Variants in ALK observed in about 807,000 individuals in gnomAD.
The protein encoded by ALK is ALK receptor tyrosine kinase.
In ALK, 74 loss-of-function variants were observed where a neutral mutation model predicts 163.1. That is an observed-to-expected ratio of 0.45 (90% CI 0.38 to 0.55). The LOEUF is 0.55. Ranked by LOEUF, ALK falls within the 20% of genes least tolerant of loss-of-function variation. ALK has a pLI of 0.00. For synonymous variants in ALK, 960 were observed against 843.2 expected, an observed-to-expected ratio of 1.14 and a Z score of -2.40; for missense variants, 2,063 against 2,105.3, an observed-to-expected ratio of 0.98 and a Z score of 0.39.
chr2:29,419,687 G>A (rs571428554), intron 4 of ALK, among the ~76,000 whole-genome samples: 3 of 151,612 alleles, frequency 2.0e-5, no homozygotes, highest in African/African-American at 7.3e-5. Context: ...AAGCTTATAA[G>A]GTTTATCATC....
chr2:29,546,146 T>C (rs149949444), intron 3 of ALK, among the ~76,000 whole-genome samples: 130 of 152,344 alleles, frequency 8.5e-4, no homozygotes, highest in African/African-American at 3.0e-3. Flanking sequence ...ATATTCCCTT[T>C]TAGATCTCTG....
chr2:29,538,367 G>C (rs1673318106), intron 3 of ALK, among the ~76,000 whole-genome samples: 1 of 152,162 alleles, frequency 6.6e-6, no homozygotes, highest in South Asian at 2.1e-4. Flanking sequence ...TTCTTGCTCA[G>C]TTAGTTATGT....
At chr2:29,549,160 A>ACACG (rs1015095449) in intron 3 of ALK, among the ~76,000 whole-genome samples, 2 of 147,912 alleles carry the variant, frequency 1.4e-5, no homozygotes, top group Non-Finnish European at 3.1e-5. Context: ...ACACACACAC[A>ACACG]CGCACACACA....
chr2:29,711,882 T>C (rs1175880437), intron 2 of ALK, among the ~76,000 whole-genome samples: 1 of 152,228 alleles, frequency 6.6e-6, no homozygotes, highest in Non-Finnish European at 1.5e-5. Flanking sequence ...GAAAAGTGTT[T>C]TGAATGGATC....
At chr2:29,235,749 G>T (rs1398549337) in intron 13 of ALK, among the ~76,000 whole-genome samples, 4 of 151,370 alleles carry the variant, frequency 2.6e-5, no homozygotes, top group Admixed American at 6.6e-5. Context: ...CTGGAGTGCA[G>T]TGGCATGATC....
chr2:29,512,483 T>C (rs1168933073), intron 4 of ALK, among the ~76,000 whole-genome samples: 1 of 149,344 alleles, frequency 6.7e-6, no homozygotes, highest in Non-Finnish European at 1.5e-5. Context: ...AATTAGGAAT[T>C]GATGGGACGT....
chr2:29,414,210 G>A (rs1244909803), intron 4 of ALK, among the ~76,000 whole-genome samples: 1 of 152,156 alleles, frequency 6.6e-6, no homozygotes, highest in Non-Finnish European at 1.5e-5. Context: ...ATTTTATGTG[G>A]CACGTGACTA....
At position 29,232,431 on chromosome 2, in the gene ALK, C is replaced by T. The variant is rs201700728; in HGVS notation, c.2505G>A (p.Pro835=). The T allele has an allele frequency of 5.4e-5, 87 of 1,614,218 alleles. No individual in the cohort carries two copies. The highest frequency in any genetic ancestry group is 2.1e-4 in the South Asian group (19 of 91,078). Residue 835 remains proline (P), a synonymous_variant, in exon 15 of 29, where the codon CCG becomes CCA. Coordinates refer to ENST00000389048, the MANE Select transcript of ALK (RefSeq NM_004304.5). ...CTCCGGCTGCAATGATCAGGGGCAC[C>T]GGCACTCCATCCTTCATCTGACCAG... The part of the protein sequence containing the change: ...TYVFKMKDGV[P]VPLIIAAGGG...
At chr2:29,537,222 G>T (rs11680518) in intron 3 of ALK, among the ~76,000 whole-genome samples, 1 of 152,232 alleles carries the variant, frequency 6.6e-6, no homozygotes, top group East Asian at 1.9e-4. Context: ...AAAAAAGATC[G>T]CAAGGGCATT....
intron 3 of ALK, among the ~76,000 whole-genome samples, chr2:29,591,842 T>C (rs529521394): frequency 1.9e-4 from 28 of 151,098 alleles, no homozygotes; most frequent in African/African-American, 5.6e-4. Context: ...TCGTCAGAGC[T>C]GAGACAGACC....
In ALK at chr2:29,318,382, G is replaced by A. The variant is rs1396066431; in HGVS notation, c.1569C>T (p.Thr523=). Residue 523 remains threonine, a synonymous_variant, in exon 8 of 29, where the codon ACC becomes ACT. Transcript: ENST00000389048. ...DHQDHALLLS[T]TDVPASESAT... ...CACTTTCAGAAGCGGGGACATCAGTGGTACTGAGCAATAGAGCATGGTCTA... is the reference window on the plus strand; with the variant it reads ...CACTTTCAGAAGCGGGGACATCAGTAGTACTGAGCAATAGAGCATGGTCTA... 1 of 1,613,502 alleles carries A rather than the reference G, an allele frequency of 6.2e-7. No individual in the cohort carries two copies. The highest frequency in any genetic ancestry group is 1.3e-5 in the African/African-American group (1 of 75,006).
At chr2:29,753,484 C>T (rs1397859395) in intron 1 of ALK, among the ~76,000 whole-genome samples, 10 of 152,122 alleles carry the variant, frequency 6.6e-5, no homozygotes, top group African/African-American at 2.4e-4. Flanking sequence ...GCCTGGTCTC[C>T]GTCTCAATTT....
intron 1 of ALK, among the ~76,000 whole-genome samples, chr2:29,851,013 G>A (rs1287927549): frequency 2.0e-5 from 3 of 152,178 alleles, no homozygotes; most frequent in Non-Finnish European, 2.9e-5. Context: ...AAGGAGTTGC[G>A]TAACTTTCTG....
intron 1 of ALK, among the ~76,000 whole-genome samples, chr2:29,815,490 GCCGGGCCCCTTCTTCCA>G (rs1664874612): frequency 6.6e-6 from 1 of 152,056 alleles, no homozygotes; most frequent in Non-Finnish European, 1.5e-5. Flanking sequence ...GGGACTCTGC[GCCGGGCCCCTTCTTCCA>G]CCAGTCCCTC....
chr2:29,599,138 A>G (rs1373330862), intron 3 of ALK, among the ~76,000 whole-genome samples: 1 of 151,944 alleles, frequency 6.6e-6, no homozygotes, highest in Non-Finnish European at 1.5e-5. Context: ...TTTTAAAATG[A>G]CTACAAAGCA....
At chr2:29,236,219 C>T (rs1664377706) in intron 13 of ALK, among the ~76,000 whole-genome samples, 1 of 152,052 alleles carries the variant, frequency 6.6e-6, no homozygotes, top group South Asian at 2.1e-4. Context: ...CTGGACTTGC[C>T]TCCTCATCTG....
chr2:29,719,930 A>G (rs1416422528), intron 1 of ALK, among the ~76,000 whole-genome samples: 16 of 152,202 alleles, frequency 1.1e-4, no homozygotes, highest in Non-Finnish European at 2.9e-5. Flanking sequence ...CTCCATGTGA[A>G]TAAAAATTCA....
intron 1 of ALK, among the ~76,000 whole-genome samples, chr2:29,735,835 G>A (rs1315012254): frequency 6.6e-6 from 1 of 152,020 alleles, no homozygotes; most frequent in Non-Finnish European, 1.5e-5. Flanking sequence ...AATTTCCCGA[G>A]CCCTCCTCAG....
intron 5 of ALK, among the ~76,000 whole-genome samples, chr2:29,338,110 T>G (rs1667680055): frequency 6.6e-6 from 1 of 151,878 alleles, no homozygotes; most frequent in Non-Finnish European, 1.5e-5. Flanking sequence ...AGGGGGTCAG[T>G]GAGGGGGTTA....
Sources: allele counts gnomAD v4.1 joint callset (sites outside exome capture counted in the v4.1 genomes callset), GRCh38; gene constraint gnomAD v4.1.1; transcripts MANE v1.5; gene names NCBI Gene and HGNC (gene_info 2026-07-23, HGNC 2026-07-21).